Variants in PTPRJ observed in about 807,000 individuals in gnomAD.
PTPRJ encodes the protein protein tyrosine phosphatase receptor type J.
A neutral mutation model predicts 141.3 loss-of-function variants in PTPRJ; 129 were observed. The observed-to-expected ratio is 0.91, with a 90% CI of 0.79 to 1.06. The LOEUF (loss-of-function observed/expected upper bound fraction) is 1.06. Ranked by LOEUF, PTPRJ falls within the 50% of genes least tolerant of loss-of-function variation. PTPRJ has a pLI of 0.00. For missense variants in PTPRJ, 1,601 were observed against 1,679.7 expected, an observed-to-expected ratio of 0.95 and a Z score of 0.82; for synonymous variants, 610 against 640.5, an observed-to-expected ratio of 0.95 and a Z score of 0.72.
intron 1 of PTPRJ, among the ~76,000 whole-genome samples, chr11:48,036,606 G>A (rs566686362): frequency 2.0e-5 from 3 of 152,074 alleles, no homozygotes; most frequent in African/African-American, 7.2e-5. Context: ...TGTTTAGGTC[G>A]AATCCTGGTT....
intron 14 of PTPRJ, 29 bp downstream of exon 14, chr11:48,145,153 G>C: frequency 2.5e-6 from 4 of 1,612,456 alleles, no homozygotes; most frequent in Non-Finnish European, 3.4e-6. Flanking sequence ...TCCTGGCACT[G>C]GTTCAGTGGC....
chr11:47,999,268 C>A (rs1413059419), intron 1 of PTPRJ, among the ~76,000 whole-genome samples: 1 of 152,228 alleles, frequency 6.6e-6, no homozygotes, highest in Non-Finnish European at 1.5e-5. Flanking sequence ...TTGGCTGCAG[C>A]TGAGGACACT....
intron 1 of PTPRJ, among the ~76,000 whole-genome samples, chr11:48,069,959 A>C (rs1855199652): frequency 6.6e-6 from 1 of 152,234 alleles, no homozygotes; most frequent in African/African-American, 2.4e-5. Context: ...AATGATACTT[A>C]GTCAAAATCA....
In PTPRJ at chr11:48,153,492, CAAAAAA is replaced by C. The variant is rs59516853; in HGVS notation, c.3139-283_3139-278del. ...TGGGCGACAGAGCGAGACTCTGTCT[CAAAAAA>C]AAAAAAAAAAAAAAAAAAAAGAAAA... On this transcript the variant is annotated intron_variant, in intron 18 of 24. Transcript: ENST00000418331. Among the ~76,000 whole-genome samples, 45 of 68,440 alleles carry C rather than the reference CAAAAAA, an allele frequency of 6.6e-4. No individual in the cohort carries two copies. In the South Asian group the frequency reaches 0.024, roughly 37 times the overall value. The allele number at this position is 68,440 out of a possible 152,430, so 44.9% of individuals were successfully genotyped here. A position where few individuals can be genotyped will look rare whatever the true frequency, so the allele number is the denominator to read the frequency against.
chr11:48,090,767 T>C (rs1301597018), intron 1 of PTPRJ, among the ~76,000 whole-genome samples: 1 of 152,192 alleles, frequency 6.6e-6, no homozygotes, highest in Non-Finnish European at 1.5e-5. Flanking sequence ...CCACTGGCTT[T>C]TCCATCTTTG....
At position 48,034,744 on chromosome 11, in the gene PTPRJ, G is replaced by A. The variant is rs548157553; in HGVS notation, c.96+53736G>A. On this transcript the variant is annotated intron_variant, in intron 1 of 24. Transcript: ENST00000418331. ...CAGTAGAGCTAGGATTTGAACTGGG[G>A]GAGCCTGGCTCCATGTTCTAGGTTC... 2.0e-5 allele frequency among the ~76,000 whole-genome samples: 3 copies of A among 152,272 alleles called. No homozygotes were observed. The East Asian group carries it at 5.8e-4, about 29-fold the overall frequency.
At chr11:48,119,558 C>G (rs5024641) in intron 3 of PTPRJ, among the ~76,000 whole-genome samples, 23,098 of 152,058 alleles carry the variant, frequency 0.15, 1,859 homozygotes, top group East Asian at 0.28. Flanking sequence ...GCCACCATGC[C>G]CAATTAATTT....
intron 1 of PTPRJ, among the ~76,000 whole-genome samples, chr11:48,047,498 A>ATTTT (rs58387057): frequency 2.7e-5 from 4 of 146,616 alleles, no homozygotes. Flanking sequence ...ACCTATGGTA[A>ATTTT]TTTTTTTTTT....
chr11:48,103,618 AAAAC>A (rs1472200154), intron 1 of PTPRJ, among the ~76,000 whole-genome samples: 2 of 152,234 alleles, frequency 1.3e-5, no homozygotes, highest in Admixed American at 6.5e-5. Context: ...TTCAAAGTAA[AAAAC>A]AAGGTAATTT....
intron 8 of PTPRJ, chr11:48,131,578 T>C: frequency 1.3e-6 from 1 of 759,526 alleles, no homozygotes; most frequent in Non-Finnish European, 2.4e-6. Context: ...ATGGCCCCTA[T>C]GCCAAATTTG....
chr11:48,134,813 G>T (rs563576507), intron 8 of PTPRJ, among the ~76,000 whole-genome samples: 8 of 152,098 alleles, frequency 5.3e-5, no homozygotes, highest in Non-Finnish European at 1.0e-4. Flanking sequence ...TCGGAGGATG[G>T]GCTCCTGTGG....
chr11:48,035,196 G>T (rs1487795975), intron 1 of PTPRJ, among the ~76,000 whole-genome samples: 1 of 152,158 alleles, frequency 6.6e-6, no homozygotes, highest in East Asian at 1.9e-4. Context: ...ATTTCTCCGG[G>T]CCTGACTGTG....
At chr11:48,161,779 A>T (rs1233984957) in intron 22 of PTPRJ, among the ~76,000 whole-genome samples, 1 of 151,498 alleles carries the variant, frequency 6.6e-6, no homozygotes, top group African/African-American at 2.4e-5. Context: ...TGCCCAGCTA[A>T]TTTTTTTTGT....
At chr11:48,131,592 C>T in intron 8 of PTPRJ, 1 of 755,096 alleles carries the variant, frequency 1.3e-6, no homozygotes, top group Admixed American at 1.8e-5. Context: ...AAATTTGGCT[C>T]ATTGTCTGTT....
intron 1 of PTPRJ, among the ~76,000 whole-genome samples, chr11:48,031,514 C>T (rs1327555951): frequency 6.6e-6 from 1 of 152,160 alleles, no homozygotes; most frequent in Middle Eastern, 3.2e-3. Context: ...CCAGCAGGCA[C>T]GTGGGAAGCA....
At chr11:48,001,349 A>AGTGTGTGTGTGTGTGT (rs57503257) in intron 1 of PTPRJ, among the ~76,000 whole-genome samples, 89 of 134,780 alleles carry the variant, frequency 6.6e-4, no homozygotes, top group East Asian at 2.9e-3. Context: ...ACAGCCCCAA[A>AGTGTGTGTGTGTGTGT]GTGTGTGTGT....
At position 48,168,534 on chromosome 11, in the gene PTPRJ, G is replaced by GTATATA. The variant is rs71045551; in HGVS notation, c.*1215_*1220dup. The stretch of plus-strand genomic sequence containing the variant: ...CGTGACACATATCGGAATCTACTGT[G>GTATATA]TATATATATATATATATATATATAT... On this transcript the variant is annotated 3_prime_UTR_variant, in exon 25 of 25. Transcript: ENST00000418331. 1.2e-3 allele frequency: 53 copies of GTATATA among 44,054 alleles called. 1 individual carries two copies. Among genetic ancestry groups the GTATATA allele is most frequent in the South Asian group, 2.5e-3 (3 of 1,216 alleles). The allele number at this position is 44,054 out of a possible 1,614,324, so 2.7% of individuals were successfully genotyped here.
At chr11:48,010,100 T>C (rs924922720) in intron 1 of PTPRJ, among the ~76,000 whole-genome samples, 6 of 152,188 alleles carry the variant, frequency 3.9e-5, no homozygotes, top group African/African-American at 1.4e-4. Flanking sequence ...TGTACCTCTG[T>C]CTCCCTAAAT....
chr11:48,017,383 G>A (rs199524252), intron 1 of PTPRJ, among the ~76,000 whole-genome samples: 1 of 152,286 alleles, frequency 6.6e-6, no homozygotes, highest in East Asian at 1.9e-4. Context: ...TGTCTCTGAG[G>A]TTTAGTTTCT....
Sources: gnomAD v4.1 joint callset for allele counts (sites outside exome capture counted in the v4.1 genomes callset) on GRCh38, gnomAD v4.1.1 for gene constraint, MANE v1.5 for transcripts, NCBI Gene and HGNC (gene_info 2026-07-23, HGNC 2026-07-21) for gene names.